PIH1D2: variants seen among roughly 807,000 people sequenced by gnomAD.
PIH1D2 encodes PIH1 domain containing 2.
PIH1D2 carries 25 observed loss-of-function variants against 31.2 expected under a neutral mutation model. The observed-to-expected ratio is 0.80, with a 90% confidence interval of 0.58 to 1.12. PIH1D2 has a LOEUF of 1.12. Among genes scored for constraint, PIH1D2 ranks in the 50% most tolerant of loss-of-function variants. The pLI is 0.00. For synonymous variants in PIH1D2, 116 were observed against 119.9 expected, an observed-to-expected ratio of 0.97 and a Z score of 0.21; for missense variants, 310 against 356.6, an observed-to-expected ratio of 0.87 and a Z score of 1.05.
intron 5 of PIH1D2, chr11:112,070,198 T>C: frequency 1.7e-6 from 1 of 604,274 alleles, no homozygotes. Context: ...TGAGTAGAAG[T>C]GATATCATGA....
At chr11:112,060,158 A>ATTT (rs782188808), downstream of PIH1D2, 980 of 566,718 alleles carry the variant, frequency 1.7e-3, no homozygotes, top group African/African-American at 2.5e-3. Flanking sequence ...CTGTCACGTA[A>ATTT]TTTTTTTTTT....
chr11:112,057,917 G>T, the PIH1D2 span, among the ~76,000 whole-genome samples: 1 of 152,144 alleles, frequency 6.6e-6, no homozygotes, highest in East Asian at 1.9e-4. Context: ...GTATACATTG[G>T]TTTTTTGTTA....
At chr11:112,062,561 C>T (rs1336475338), downstream of PIH1D2, 2 of 1,609,794 alleles carry the variant, frequency 1.2e-6, no homozygotes, top group African/African-American at 1.3e-5. Flanking sequence ...CTAAACTCTC[C>T]CAGGTCACAC....
In PIH1D2 at chr11:112,071,734, T is replaced by G. The variant is rs149567688; in HGVS notation, c.202A>C (p.Ile68Leu). ...ILKPKEKILF[I>L]NLCQWTRIPA... ...ATCCTTGTCCACTGACACAGGTTGA[T>G]AAAAAGTATTTTTTCTTTTGGTTTC... Residue 68 changes from isoleucine to leucine, a missense_variant, in exon 3 of 6, where the codon ATC becomes CTC. Physicochemically the swap from Ile to Leu is conservative, Grantham distance 5. Coordinates refer to ENST00000280350, the MANE Select transcript of PIH1D2 (RefSeq NM_138789.4). The G allele has an allele frequency of 1.6e-3, 2,524 of 1,614,104 alleles. 50 individuals are homozygous for G. In the South Asian group the frequency reaches 0.019, roughly 12 times the overall value.
chr11:112,055,848 CTTTTTTTTTTTTTTTTTTTTT>C, the PIH1D2 span, among the ~76,000 whole-genome samples: 72 of 31,988 alleles, frequency 2.3e-3, no homozygotes, highest in East Asian at 3.9e-3. Flanking sequence ...CATATAGACA[CTTTTTTTTTTTTTTTTTTTTT>C]TTTTTTTTTT....
chr11:112,067,736 A>G, downstream of PIH1D2: 1 of 650,212 alleles, frequency 1.5e-6, no homozygotes, highest in Non-Finnish European at 2.3e-6. Context: ...GTGAAGAGAA[A>G]ATCTCAGTCA....
chr11:112,071,145 G>C lies in PIH1D2; in HGVS notation c.440C>G (p.Ser147Cys). 6.2e-7 allele frequency: 1 copy of C among 1,613,892 alleles called. No individual in the cohort carries two copies. The highest frequency in any genetic ancestry group is 8.5e-7 in the Non-Finnish European group (1 of 1,179,908). Residue 147 changes from serine (S) to cysteine (C), a missense_variant, in exon 4 of 6, where the codon TCT becomes TGT. Transcript: ENST00000280350. Reference sequence around the variant, plus strand: ...TATTCTAAATTTGGTAATATGGTAAGAGTGTGAGAGGGTGAACTGGAATTT... The same window carrying C: ...TATTCTAAATTTGGTAATATGGTAACAGTGTGAGAGGGTGAACTGGAATTT... ...EEKFQFTLSH[S>C]YHITKFRIKG... is the part of the protein sequence containing the mutation.
downstream of PIH1D2, chr11:112,061,145 T>G: frequency 1.9e-6 from 3 of 1,614,154 alleles, no homozygotes; most frequent in South Asian, 3.3e-5. Context: ...CTTCAGAGGA[T>G]AAACTGGTCC....
At chr11:112,071,354 T>C (rs1555184602) in intron 3 of PIH1D2, 71 bp from the exon 4 acceptor site, 1 of 1,478,096 alleles carries the variant, frequency 6.8e-7, no homozygotes, top group Non-Finnish European at 9.2e-7. Flanking sequence ...AGGCAATATA[T>C]TAAACCATAT....
intron 4 of PIH1D2, 155 bp from the exon 5 acceptor site, chr11:112,070,856 T>C: frequency 2.4e-6 from 3 of 1,228,080 alleles, no homozygotes; most frequent in East Asian, 5.2e-5. Context: ...ACCAAAGAAT[T>C]TGATTGAAAA....
the PIH1D2 span, among the ~76,000 whole-genome samples, chr11:112,054,102 C>T: frequency 2.0e-5 from 3 of 151,278 alleles, no homozygotes; most frequent in Admixed American, 6.6e-5. Flanking sequence ...TGAGGTCAAG[C>T]GTTCGAGATC....
the PIH1D2 span, among the ~76,000 whole-genome samples, chr11:112,055,207 A>T: frequency 6.7e-6 from 1 of 149,178 alleles, no homozygotes; most frequent in Non-Finnish European, 1.5e-5. Flanking sequence ...TAAGGCATTG[A>T]CAGTCTTCCG....
At chr11:112,061,132 G>C, downstream of PIH1D2, 1 of 1,614,040 alleles carries the variant, frequency 6.2e-7, no homozygotes, top group South Asian at 1.1e-5. Flanking sequence ...TTGGCAATTG[G>C]TGCTTCAGAG....
chr11:112,071,649 G>A lies in PIH1D2; in HGVS notation c.287C>T (p.Thr96Ile). 1 of 1,613,644 alleles carries A rather than the reference G, an allele frequency of 6.2e-7. No homozygotes were observed. The highest frequency in any genetic ancestry group is 8.5e-7 in the Non-Finnish European group (1 of 1,179,618). ...VPLTVGKPED[T>I]TEISDAYTVI... ...ATTATTTGTACCTGATATCTCAGTT[G>A]TATCTTCTGGTTTGCCAACAGTTAG... is the stretch of plus-strand genomic sequence containing the variant. Residue 96 changes from threonine to isoleucine, a missense_variant, in exon 3 of 6, where the codon ACA becomes ATA. By Grantham distance (89) the Thr-to-Ile change is moderately conservative. Transcript: ENST00000280350.
chr11:112,067,741 C>T (rs1175744517), downstream of PIH1D2: 2 of 711,302 alleles, frequency 2.8e-6, no homozygotes, highest in Non-Finnish European at 4.0e-6. Flanking sequence ...GAGAAAATCT[C>T]AGTCAAAATG....
downstream of PIH1D2, among the ~76,000 whole-genome samples, chr11:112,059,371 T>C (rs1449560154): frequency 6.6e-6 from 1 of 150,986 alleles, no homozygotes; most frequent in Non-Finnish European, 1.5e-5. Flanking sequence ...TTTTTTTTTT[T>C]CTTGGCAGGC....
Position 112,068,982 on chromosome 11 carries a change from GT to G in PIH1D2, c.814-978del, listed in dbSNP as rs1230809846. Among the ~76,000 whole-genome samples, 549 of 88,382 alleles carry G rather than the reference GT, an allele frequency of 6.2e-3. 1 individual carries two copies. Among genetic ancestry groups the G allele is most frequent in the African/African-American group, 0.024 (392 of 16,424 alleles). 58.0% of individuals were successfully genotyped at this position (88,382 alleles called of 152,430 possible). A position where few individuals can be genotyped will look rare whatever the true frequency, so the allele number is the denominator to read the frequency against. ...TTGTTAAAACCTCTGAATTTTTTTT[GT>G]TTTTTTTTTTTTTTGTTTTTTTTTT... is the stretch of plus-strand genomic sequence containing the variant. On this transcript the variant is annotated intron_variant, in intron 5 of 5. Transcript: ENST00000280350.
chr11:112,064,766 G>A (rs1018122526), downstream of PIH1D2, among the ~76,000 whole-genome samples: 2 of 151,900 alleles, frequency 1.3e-5, no homozygotes, highest in African/African-American at 4.8e-5. Flanking sequence ...CACAAGTCCT[G>A]GAATACATGG....
chr11:112,054,592 T>C, the PIH1D2 span, among the ~76,000 whole-genome samples: 2 of 152,312 alleles, frequency 1.3e-5, no homozygotes, highest in African/African-American at 4.8e-5. Flanking sequence ...ATCAAACCTA[T>C]TGGGTAAACT....
Sources: allele counts gnomAD v4.1 joint callset (sites outside exome capture counted in the v4.1 genomes callset), GRCh38; gene constraint gnomAD v4.1.1; transcripts MANE v1.5; gene names NCBI Gene and HGNC (gene_info 2026-07-23, HGNC 2026-07-21).